Variants in HIVEP1 observed in about 807,000 individuals in gnomAD.
HIVEP1 encodes the protein zinc finger protein 40.
HIVEP1 carries 36 observed loss-of-function variants against 180.0 expected under a neutral mutation model. The ratio of observed to expected loss-of-function variants is 0.20; its 90% confidence interval spans 0.15 to 0.26. The LOEUF (loss-of-function observed/expected upper bound fraction) is 0.26. HIVEP1 is among the 10% of genes least tolerant of loss of function. HIVEP1 has a pLI of 1.00. For missense variants in HIVEP1, 3,143 were observed against 3,268.7 expected (o/e 0.96, Z 0.94); for synonymous variants, 1,239 against 1,239.0 (o/e 1.00, Z 0.00).
rs1456491854 is a variant in HIVEP1, at chr6:12,163,661, A to C, written c.7357A>C (p.Asn2453His). 6.2e-7 allele frequency: 1 copy of C among 1,613,998 alleles called. No homozygotes were observed. The highest frequency in any genetic ancestry group is 8.5e-7 in the Non-Finnish European group (1 of 1,180,028). ...GGTCACAGAAGTGTCTGGCACTACA[A>C]ACCCTGCTGGAGTGGCTGAATTAAG... ...NTVTEVSGTT[N>H]PAGVAELSSV... The change falls in exon 9 of 9, where the codon AAC (asparagine) becomes CAC (histidine). Residue 2453 changes from asparagine to histidine, a missense_variant. By Grantham distance (68) the Asn-to-His change is moderately conservative. Coordinates refer to ENST00000379388, the MANE Select transcript of HIVEP1 (RefSeq NM_002114.4).
At chr6:12,019,169 C>T (rs1768026568) in intron 2 of HIVEP1, among the ~76,000 whole-genome samples, 1 of 152,092 alleles carries the variant, frequency 6.6e-6, no homozygotes, top group African/African-American at 2.4e-5. Context: ...AGGGAAGCGG[C>T]GGCTTCTGAG....
At chr6:12,199,807 G>A in the HIVEP1 span, among the ~76,000 whole-genome samples, 4 of 152,130 alleles carry the variant, frequency 2.6e-5, no homozygotes, top group East Asian at 1.9e-4. Context: ...AGCCCTTCTC[G>A]TAGAATGTCT....
At position 12,161,856 on chromosome 6, in the gene HIVEP1, T is replaced by C; in HGVS notation, c.6905T>C (p.Met2302Thr). 2 of 1,613,950 alleles carry C rather than the reference T, an allele frequency of 1.2e-6. No homozygotes were observed. Among genetic ancestry groups the C allele is most frequent in the East Asian group, 4.5e-5 (2 of 44,880 alleles). ...VDTSRSPCHQ[M>T]SVDYPESEEI... The stretch of plus-strand genomic sequence containing the variant: ...ACTTCCAGGTCCCCGTGTCATCAGA[T>C]GTCTGTGGACTACCCTGAGTCAGAA... The change falls in exon 8 of 9, where the codon ATG (methionine) becomes ACG (threonine). Residue 2302 changes from methionine (M) to threonine (T), a missense_variant. Coordinates refer to ENST00000379388, the MANE Select transcript of HIVEP1 (RefSeq NM_002114.4).
rs761725998 is a variant in HIVEP1, at chr6:12,163,708, T to C, written c.7404T>C (p.Pro2468=). The C allele has an allele frequency of 6.2e-7, 1 of 1,614,144 alleles. No homozygotes were observed. Among genetic ancestry groups the C allele is most frequent in the Admixed American group, 1.7e-5 (1 of 60,012 alleles). The change falls in exon 9 of 9, where the codon CCT becomes CCC. Residue 2468 remains proline, a synonymous_variant. Coordinates refer to ENST00000379388, the MANE Select transcript of HIVEP1 (RefSeq NM_002114.4). The stretch of plus-strand genomic sequence containing the variant: ...TAAGCAGTGTTGTGCCATGTATTCC[T>C]ATCGGCCAAATCCGCGTGCCAGGCC... The part of the protein sequence containing the change: ...AELSSVVPCI[P]IGQIRVPGLQ...
intron 2 of HIVEP1, among the ~76,000 whole-genome samples, chr6:12,052,297 C>G (rs1770594372): frequency 6.6e-6 from 1 of 152,122 alleles, no homozygotes; most frequent in African/African-American, 2.4e-5. Flanking sequence ...AAGTAAGCCA[C>G]TTAGAGGGCC....
chr6:12,078,591 A>G (rs1004996218), intron 2 of HIVEP1, among the ~76,000 whole-genome samples: 2 of 148,034 alleles, frequency 1.4e-5, no homozygotes, highest in Middle Eastern at 3.4e-3. Flanking sequence ...AGCACCTTGT[A>G]TCTGAGTCCT....
chr6:12,101,694 A>G (rs2113396613), intron 3 of HIVEP1, among the ~76,000 whole-genome samples: 1 of 152,260 alleles, frequency 6.6e-6, no homozygotes, highest in East Asian at 1.9e-4. Context: ...AGGAACAAAA[A>G]AAGACACAAG....
upstream of HIVEP1, among the ~76,000 whole-genome samples, chr6:12,009,337 A>C (rs1301272498): frequency 2.0e-5 from 3 of 152,096 alleles, no homozygotes; most frequent in African/African-American, 7.2e-5. Context: ...ACTGTTCGCC[A>C]AGAAAAACGT....
chr6:12,207,476 T>C, the HIVEP1 span, among the ~76,000 whole-genome samples: 17 of 152,302 alleles, frequency 1.1e-4, no homozygotes, highest in African/African-American at 3.6e-4. Flanking sequence ...AAAGGACCTA[T>C]AATTGCTATT....
chr6:12,055,366 G>C (rs567691751), intron 2 of HIVEP1, among the ~76,000 whole-genome samples: 2 of 152,098 alleles, frequency 1.3e-5, no homozygotes, highest in Non-Finnish European at 2.9e-5. Context: ...CCAGCTACTC[G>C]GGAGGCTGAG....
At chr6:12,106,730 T>C (rs116470226) in intron 3 of HIVEP1, among the ~76,000 whole-genome samples, 1,603 of 152,308 alleles carry the variant, frequency 0.011, 30 homozygotes, top group African/African-American at 0.036. Context: ...GTTAGTTGAA[T>C]AGTCTACAGA....
At chr6:12,056,681 A>G (rs1416838832) in intron 2 of HIVEP1, among the ~76,000 whole-genome samples, 2 of 152,170 alleles carry the variant, frequency 1.3e-5, no homozygotes, top group Non-Finnish European at 2.9e-5. Context: ...GTGAAGTATC[A>G]AATACTATCA....
At chr6:12,087,756 A>G (rs1268032591) in intron 2 of HIVEP1, among the ~76,000 whole-genome samples, 2 of 152,104 alleles carry the variant, frequency 1.3e-5, no homozygotes, top group Non-Finnish European at 2.9e-5. Context: ...TTTTTCCAGG[A>G]CTATTTCAAC....
chr6:12,109,500 C>T (rs1264210096), intron 3 of HIVEP1, among the ~76,000 whole-genome samples: 1 of 152,254 alleles, frequency 6.6e-6, no homozygotes, highest in Non-Finnish European at 1.5e-5. Flanking sequence ...GCAGCGTTTA[C>T]AGCATCTTCA....
intron 2 of HIVEP1, among the ~76,000 whole-genome samples, chr6:12,081,229 A>G (rs1471585907): frequency 6.6e-6 from 1 of 152,176 alleles, no homozygotes; most frequent in East Asian, 1.9e-4. Flanking sequence ...ACCGCTGTGC[A>G]GATTGGAGAC....
Position 12,123,642 on chromosome 6 carries a change from AG to A in HIVEP1, c.3849del (p.Arg1283SerfsTer7). 1 of 1,614,100 alleles carries A rather than the reference AG, an allele frequency of 6.2e-7. No individual in the cohort carries two copies. The highest frequency in any genetic ancestry group is 8.5e-7 in the Non-Finnish European group (1 of 1,180,032). ...PTEKLPPKKK[R>X]LRLAEIEHSS... ...AGAGAAACTGCCACCCAAAAAGAAA[AG>A]GCTCCGTCTGGCTGAGATAGAACAT... On this transcript the variant is annotated frameshift_variant, in exon 4 of 9. Transcript: ENST00000379388. LOFTEE classifies it high-confidence loss of function.
chr6:12,047,973 G>A (rs933146690), intron 2 of HIVEP1, among the ~76,000 whole-genome samples: 1 of 152,210 alleles, frequency 6.6e-6, no homozygotes, highest in East Asian at 1.9e-4. Context: ...CGTGGTTCTG[G>A]CACGTGCCTA....
chr6:12,079,980 A>ATC (rs1340239391), intron 2 of HIVEP1, among the ~76,000 whole-genome samples: 1 of 125,566 alleles, frequency 8.0e-6, no homozygotes, highest in African/African-American at 2.8e-5. Flanking sequence ...ATCTATCTAT[A>ATC]TCTGGTCTTT....
At chr6:12,209,357 C>T in the HIVEP1 span, among the ~76,000 whole-genome samples, 85 of 152,230 alleles carry the variant, frequency 5.6e-4, no homozygotes, top group Non-Finnish European at 1.2e-3. Flanking sequence ...GGCGTGAACC[C>T]GGGAGGCGGA....
Sources: allele counts gnomAD v4.1 joint callset (sites outside exome capture counted in the v4.1 genomes callset), GRCh38; gene constraint gnomAD v4.1.1; transcripts MANE v1.5; gene names NCBI Gene and HGNC (gene_info 2026-07-23, HGNC 2026-07-21).